FBXO24: variants seen among roughly 807,000 people sequenced by gnomAD.
FBXO24 encodes the protein F-box protein 24.
In FBXO24, 30 loss-of-function variants were observed where a neutral mutation model predicts 63.5. That is an observed-to-expected ratio of 0.47 (90% CI 0.35 to 0.64). The LOEUF (loss-of-function observed/expected upper bound fraction) is 0.64. Ranked by LOEUF, FBXO24 falls within the 30% of genes least tolerant of loss-of-function variation. The pLI is 0.00. For synonymous variants in FBXO24, 300 were observed against 305.0 expected, an observed-to-expected ratio of 0.98 and a Z score of 0.17; for missense variants, 624 against 763.4, an observed-to-expected ratio of 0.82 and a Z score of 2.15.
chr7:100,586,501 C>A lies in FBXO24; in HGVS notation c.-125C>A. On this transcript the variant is annotated 5_prime_UTR_variant, in exon 1 of 10. Coordinates refer to ENST00000241071, the MANE Select transcript of FBXO24 (RefSeq NM_033506.3). The stretch of plus-strand genomic sequence containing the variant: ...GACCGCAAGCAGGGGGTGCCTAGTC[C>A]TCGTCCCCCAAAGACCAATCGTAAG... 9.8e-7 allele frequency: 1 copy of A among 1,022,892 alleles called. No individual in the cohort carries two copies. Among genetic ancestry groups the A allele is most frequent in the East Asian group, 2.5e-5 (1 of 39,766 alleles). The allele number at this position is 1,022,892 out of a possible 1,614,324, so 63.4% of individuals were successfully genotyped here. A position where few individuals can be genotyped will look rare whatever the true frequency, so the allele number is the denominator to read the frequency against.
At position 100,600,894 on chromosome 7, in the gene FBXO24, A is replaced by C. The variant is rs990399288; in HGVS notation, c.1738A>C (p.Thr580Pro). Residue 580 changes from threonine to proline, a missense_variant, in exon 10 of 10, where the codon ACC (threonine) becomes CCC (proline). Around this residue, in one of 3 missense-constraint regions of FBXO24, gnomAD observed 216 missense variants for 245.2 expected, o/e 0.88. Coordinates refer to ENST00000241071, the MANE Select transcript of FBXO24 (RefSeq NM_033506.3). This position sits in a 1 kb window ranked among gnomAD's most constrained non-coding sequence, Gnocchi z 6.3. ...GGGVGPPAPE[T>P] ...TGGTGTAGGGCCCCCAGCCCCTGAG[A>C]CCTAATCCCCCTCATGCTAGCCTAG... is the stretch of plus-strand genomic sequence containing the variant. The C allele has an allele frequency of 6.2e-7, 1 of 1,612,038 alleles. No individual in the cohort carries two copies. Among genetic ancestry groups the C allele is most frequent in the Non-Finnish European group, 8.5e-7 (1 of 1,179,148 alleles).
Position 100,600,559 on chromosome 7 carries a change from G to T in FBXO24, c.1403G>T (p.Cys468Phe). Residue 468 changes from cysteine (C) to phenylalanine (F), a missense_variant, in exon 10 of 10, where the codon TGT becomes TTT. Coordinates refer to ENST00000241071, the MANE Select transcript of FBXO24 (RefSeq NM_033506.3). This position sits in a 1 kb window ranked among gnomAD's most constrained non-coding sequence, Gnocchi z 6.3. ...VKVPLCACAL[C>F]ATRECLYILS... ...GTCCCTCTGTGTGCCTGTGCCCTCT[G>T]TGCCACCAGGGAGTGCCTATACATC... 1 of 1,577,586 alleles carries T rather than the reference G, an allele frequency of 6.3e-7. No homozygotes were observed.
At chr7:100,586,734 G>A (rs766515664) in intron 1 of FBXO24, 70 bp downstream of exon 1, 1 of 1,565,656 alleles carries the variant, frequency 6.4e-7, no homozygotes, top group South Asian at 1.1e-5. Context: ...AACGCAGTTC[G>A]CCGCTGCAGT....
At position 100,594,582 on chromosome 7, in the gene FBXO24, T is replaced by C. The variant is rs746658834; in HGVS notation, c.952+41T>C. 23 of 1,497,130 alleles carry C rather than the reference T, an allele frequency of 1.5e-5. No individual in the cohort carries two copies. The highest frequency in any genetic ancestry group is 2.0e-5 in the Non-Finnish European group (22 of 1,121,798). The allele number at this position is 1,497,130 out of a possible 1,614,324, so 92.7% of individuals were successfully genotyped here. A position where few individuals can be genotyped will look rare whatever the true frequency, so the allele number is the denominator to read the frequency against. On this transcript the variant is annotated intron_variant, in intron 6 of 9. Coordinates refer to ENST00000241071, the MANE Select transcript of FBXO24 (RefSeq NM_033506.3). This position sits in a 1 kb window ranked among gnomAD's most constrained non-coding sequence, Gnocchi z 4.2. ...CCCCGGCTCAAGCCCGCAGCCTTGG[T>C]TAGACCCTCTAAACATCAACACCCT...
At chr7:100,588,203 A>G (rs1309916058) in intron 1 of FBXO24, among the ~76,000 whole-genome samples, 1 of 152,040 alleles carries the variant, frequency 6.6e-6, no homozygotes, top group African/African-American at 2.4e-5. Flanking sequence ...TCTATTCACA[A>G]CCTCTCGTTT....
chr7:100,588,449 C>T (rs557349597), intron 1 of FBXO24, among the ~76,000 whole-genome samples: 32 of 152,284 alleles, frequency 2.1e-4, no homozygotes, highest in African/African-American at 7.2e-4. Flanking sequence ...CCATCTCAGG[C>T]ATCCCAGCCT....
chr7:100,595,832 A>G (rs1802280494), intron 8 of FBXO24, 126 bp downstream of exon 8: 1 of 1,315,092 alleles, frequency 7.6e-7, no homozygotes, highest in African/African-American at 1.5e-5. Flanking sequence ...TAAGCCACTC[A>G]GTATGTAATG....
At position 100,600,555 on chromosome 7, in the gene FBXO24, C is replaced by A; in HGVS notation, c.1399C>A (p.Leu467Ile). 6.4e-7 allele frequency: 1 copy of A among 1,574,340 alleles called. No homozygotes were observed. The highest frequency in any genetic ancestry group is 1.2e-5 in the South Asian group (1 of 84,616). Reference protein sequence around the residue: ...QVKVPLCACALCATRECLYIL... With the variant: ...QVKVPLCACAICATRECLYIL... The stretch of plus-strand genomic sequence containing the variant: ...CAAGGTCCCTCTGTGTGCCTGTGCC[C>A]TCTGTGCCACCAGGGAGTGCCTATA... Residue 467 changes from leucine to isoleucine, a missense_variant, in exon 10 of 10, where the codon CTC becomes ATC. By Grantham distance (5) the Leu-to-Ile change is conservative. Coordinates refer to ENST00000241071, the MANE Select transcript of FBXO24 (RefSeq NM_033506.3). This position sits in a 1 kb window ranked among gnomAD's most constrained non-coding sequence, Gnocchi z 6.3.
intron 5 of FBXO24, among the ~76,000 whole-genome samples, chr7:100,593,694 G>A (rs1312953814): frequency 1.3e-5 from 2 of 148,788 alleles, no homozygotes; most frequent in South Asian, 2.1e-4. Flanking sequence ...CTACTTGGGA[G>A]CCTGAGGCAG....
intron 8 of FBXO24, among the ~76,000 whole-genome samples, chr7:100,597,875 G>T (rs113409997): frequency 0.017 from 2,368 of 137,854 alleles, 61 homozygotes; most frequent in African/African-American, 0.05. Flanking sequence ...ATAAGTTTTT[G>T]TTTTTTTTGT....
In FBXO24 at chr7:100,594,305, G is replaced by C. The variant is rs1188765235; in HGVS notation, c.794-78G>C. 1.9e-6 allele frequency: 3 copies of C among 1,540,892 alleles called. No homozygotes were observed. The African/African-American group carries it at 4.1e-5, about 21-fold the overall frequency. On this transcript the variant is annotated intron_variant, in intron 5 of 9. Coordinates refer to ENST00000241071, the MANE Select transcript of FBXO24 (RefSeq NM_033506.3). This position sits in a 1 kb window ranked among gnomAD's most constrained non-coding sequence, Gnocchi z 4.2. ...AGGGCAGTAAATGTGTCACCCATAT[G>C]GCCTAGGGAGTCTCTTGGGATGTTT...
intron 8 of FBXO24, among the ~76,000 whole-genome samples, chr7:100,598,165 G>A (rs1409167516): frequency 6.6e-6 from 1 of 152,038 alleles, no homozygotes; most frequent in Admixed American, 6.6e-5. Flanking sequence ...GATCACCACT[G>A]CACTCCAGCC....
At chr7:100,590,465 G>A in intron 3 of FBXO24, 108 bp downstream of exon 3, 3 of 1,182,560 alleles carry the variant, frequency 2.5e-6, no homozygotes, top group Non-Finnish European at 3.5e-6. Context: ...TGCTTCCAGG[G>A]CCCCTTTCTC....
chr7:100,592,473 C>G (rs978829675), intron 4 of FBXO24, among the ~76,000 whole-genome samples: 1 of 152,130 alleles, frequency 6.6e-6, no homozygotes, highest in Non-Finnish European at 1.5e-5. Context: ...CCCACTATCA[C>G]GAAAACAACA....
intron 1 of FBXO24, chr7:100,589,504 C>G: frequency 7.5e-7 from 1 of 1,341,044 alleles, no homozygotes; most frequent in Non-Finnish European, 9.6e-7. Context: ...GAGATGGGTC[C>G]TGGGCAAGAT....
At position 100,591,684 on chromosome 7, in the gene FBXO24, T is replaced by A; in HGVS notation, c.340T>A (p.Phe114Ile). 6.2e-7 allele frequency: 1 copy of A among 1,614,196 alleles called. No individual in the cohort carries two copies. Among genetic ancestry groups the A allele is most frequent in the Non-Finnish European group, 8.5e-7 (1 of 1,180,022 alleles). The change falls in exon 4 of 10, where the codon TTC becomes ATC. Residue 114 changes from phenylalanine to isoleucine, a missense_variant. Phe to Ile is a conservative substitution (Grantham distance 21, BLOSUM62 0). This residue lies in a region of FBXO24 where 391 missense variants were observed against 469.1 expected (regional missense o/e 0.83). Coordinates refer to ENST00000241071, the MANE Select transcript of FBXO24 (RefSeq NM_033506.3). The stretch of plus-strand genomic sequence containing the variant: ...TCCTCCAGACACGAAGGGCCTGTAT[T>A]TCCAGGCATTTGGAGGCCGCCGCCG... ...AILNYTKGLY[F>I]QAFGGRRRCL... is the part of the protein sequence containing the mutation.
rs62482222 is a variant in FBXO24, at chr7:100,600,243, G to A, written c.1377+42G>A. 178,398 of 1,476,690 alleles carry A rather than the reference G, an allele frequency of 0.12. 11,842 individuals carry two copies. Among genetic ancestry groups the A allele is most frequent in the Non-Finnish European group, 0.13 (149,527 of 1,108,690 alleles). The allele number at this position is 1,476,690 out of a possible 1,614,324, so 91.5% of individuals were successfully genotyped here. A position where few individuals can be genotyped will look rare whatever the true frequency, so the allele number is the denominator to read the frequency against. On this transcript the variant is annotated intron_variant, in intron 9 of 9. Coordinates refer to ENST00000241071, the MANE Select transcript of FBXO24 (RefSeq NM_033506.3). This position sits in a 1 kb window ranked among gnomAD's most constrained non-coding sequence, Gnocchi z 6.3. Reference sequence around the variant, plus strand: ...GAGAGTGGGCACCCAGGGAGGATGAGAGCCATGAACCAGGAAGCCCACAGG... The same window carrying A: ...GAGAGTGGGCACCCAGGGAGGATGAAAGCCATGAACCAGGAAGCCCACAGG...
Position 100,600,057 on chromosome 7 carries a change from C to T in FBXO24, c.1233C>T (p.Thr411=), listed in dbSNP as rs147392632. The T allele has an allele frequency of 8.1e-4, 1,312 of 1,610,866 alleles. 3 individuals are homozygous for T. Among genetic ancestry groups the T allele is most frequent in the Non-Finnish European group, 1.1e-3 (1,262 of 1,179,496 alleles). ...TTTGTTACCTGCAGCGGCCCATCACCCTGTGGTGCGGCCTCAACCACTCCC... is the reference window on the plus strand; with the variant it reads ...TTTGTTACCTGCAGCGGCCCATCACTCTGTGGTGCGGCCTCAACCACTCCC... ...TQVCYLQRPI[T]LWCGLNHSLV... is the part of the protein sequence containing the mutation. Residue 411 remains threonine (T), a synonymous_variant, in exon 9 of 10, where the codon ACC becomes ACT. Transcript: ENST00000241071. The surrounding 1 kb of genome is among the most constrained non-coding windows in gnomAD (Gnocchi z 6.3).
intron 1 of FBXO24, among the ~76,000 whole-genome samples, chr7:100,588,750 C>G (rs780557671): frequency 6.6e-6 from 1 of 152,228 alleles, no homozygotes; most frequent in Non-Finnish European, 1.5e-5. Flanking sequence ...AAATCCATCC[C>G]TTTCTCCCAC....
Sources: gnomAD v4.1 joint callset for allele counts (sites outside exome capture counted in the v4.1 genomes callset) on GRCh38, gnomAD v4.1.1 for gene constraint, gnomAD v4.1.1 regional missense constraint, Gnocchi (gnomAD v3.1) non-coding constraint, MANE v1.5 for transcripts, NCBI Gene and HGNC (gene_info 2026-07-23, HGNC 2026-07-21) for gene names.